STARD13: variants seen among roughly 807,000 people sequenced by gnomAD.
STARD13 encodes the protein stAR-related lipid transfer protein 13.
In STARD13, 62 loss-of-function variants were observed where a neutral mutation model predicts 106.4. That is an observed-to-expected ratio of 0.58 (90% CI 0.48 to 0.72). STARD13 has a LOEUF of 0.72. STARD13 is among the 30% of genes least tolerant of loss of function. STARD13 has a pLI of 0.00. For missense variants in STARD13, 1,387 were observed against 1,424.0 expected (o/e 0.97, Z 0.42); for synonymous variants, 565 against 553.0 (o/e 1.02, Z -0.31).
the STARD13 span, among the ~76,000 whole-genome samples, chr13:33,468,718 A>G: frequency 6.6e-6 from 1 of 152,126 alleles, no homozygotes; most frequent in African/African-American, 2.4e-5. Context: ...TGAGAAATAA[A>G]TTTCTATTCA....
intron 1 of STARD13, among the ~76,000 whole-genome samples, chr13:33,172,602 G>A (rs1036961328): frequency 3.3e-5 from 5 of 152,152 alleles, no homozygotes; most frequent in Admixed American, 6.5e-5. Flanking sequence ...TGTGTCTAGC[G>A]TGCTTCTAGC....
chr13:33,396,342 G>A, the STARD13 span, among the ~76,000 whole-genome samples: 1 of 152,162 alleles, frequency 6.6e-6, no homozygotes, highest in African/African-American at 2.4e-5. Flanking sequence ...AGAAGTAGAT[G>A]AGCACATGAA....
the STARD13 span, among the ~76,000 whole-genome samples, chr13:33,632,241 C>T: frequency 6.6e-6 from 1 of 152,144 alleles, no homozygotes; most frequent in African/African-American, 2.4e-5. Context: ...ATCACATTTC[C>T]TGAGCCATTC....
chr13:33,363,612 T>C, the STARD13 span, among the ~76,000 whole-genome samples: 2 of 152,216 alleles, frequency 1.3e-5, no homozygotes, highest in Non-Finnish European at 2.9e-5. Context: ...GAACTGGCAG[T>C]TCCTTAAATG....
the STARD13 span, among the ~76,000 whole-genome samples, chr13:33,553,777 A>G: frequency 6.6e-6 from 1 of 151,662 alleles, no homozygotes; most frequent in African/African-American, 2.4e-5. Context: ...ACGGGGTTTC[A>G]CCATGTTGGC....
chr13:33,634,919 C>T, the STARD13 span, among the ~76,000 whole-genome samples: 4 of 152,256 alleles, frequency 2.6e-5, no homozygotes, highest in South Asian at 8.3e-4. Flanking sequence ...CCAGAATGTC[C>T]CCTGCAGATG....
Position 33,110,035 on chromosome 13 carries a change from G to T in STARD13, c.2885C>A (p.Pro962His), listed in dbSNP as rs748514950. 1 of 1,614,226 alleles carries T rather than the reference G, an allele frequency of 6.2e-7. No individual in the cohort carries two copies. Among genetic ancestry groups the T allele is most frequent in the Middle Eastern group, 1.6e-4 (1 of 6,062 alleles). Residue 962 changes from proline to histidine, a missense_variant, in exon 12 of 14, where the codon CCC becomes CAC. Transcript: ENST00000336934. ...LWKASVEVEAPPSVVLNRVLR... is the reference protein window; with the variant it reads ...LWKASVEVEAHPSVVLNRVLR... ...CACGCGGTTCAGGACCACTGAGGGG[G>T]GTGCTTCCACCTCCACAGAAGCCTT...
the STARD13 span, among the ~76,000 whole-genome samples, chr13:33,540,266 T>C: frequency 6.6e-6 from 1 of 152,238 alleles, no homozygotes; most frequent in Admixed American, 6.5e-5. Context: ...CTAGTGACCT[T>C]AGGTGATTCC....
At chr13:33,219,366 G>A (rs1216224504) in intron 1 of STARD13, among the ~76,000 whole-genome samples, 2 of 151,646 alleles carry the variant, frequency 1.3e-5, no homozygotes, top group African/African-American at 4.9e-5. Context: ...CTCTCATCCT[G>A]CTCCCCCATG....
chr13:33,408,532 A>G, the STARD13 span, among the ~76,000 whole-genome samples: 2 of 152,000 alleles, frequency 1.3e-5, no homozygotes, highest in South Asian at 2.1e-4. Context: ...TATACACCAC[A>G]TTTTCCTTAT....
At chr13:33,333,347 C>A (rs1040437756) in intron 1 of STARD13, among the ~76,000 whole-genome samples, 1 of 152,138 alleles carries the variant, frequency 6.6e-6, no homozygotes, top group African/African-American at 2.4e-5. Context: ...AAGATCATGC[C>A]ACTGCACTCC....
chr13:33,489,203 A>T, the STARD13 span, among the ~76,000 whole-genome samples: 8 of 152,252 alleles, frequency 5.3e-5, no homozygotes, highest in Non-Finnish European at 1.2e-4. Flanking sequence ...TGATTAATCA[A>T]TTGATTAGAA....
chr13:33,338,965 G>A lies in STARD13; in HGVS notation c.124+11325C>T, dbSNP rs73480111. 2.1e-3 allele frequency among the ~76,000 whole-genome samples: 324 copies of A among 151,836 alleles called. 2 individuals carry two copies. The highest frequency in any genetic ancestry group is 7.3e-3 in the African/African-American group (304 of 41,378). ...AGAAGTGAAGGAAATGGGTGGTTTCGGGTGGGGGTTAAAGGATCTCCTTTA... is the reference window on the plus strand; with the variant it reads ...AGAAGTGAAGGAAATGGGTGGTTTCAGGTGGGGGTTAAAGGATCTCCTTTA... On this transcript the variant is annotated intron_variant, in intron 1 of 5. Transcript: ENST00000567873.
chr13:33,223,452 A>T (rs1395630896), intron 1 of STARD13, among the ~76,000 whole-genome samples: 2 of 152,118 alleles, frequency 1.3e-5, no homozygotes, highest in African/African-American at 4.8e-5. Flanking sequence ...TGATGTCAGG[A>T]GTTCGAGACC....
chr13:33,240,023 G>C (rs1003162624), intron 1 of STARD13, among the ~76,000 whole-genome samples: 12 of 152,050 alleles, frequency 7.9e-5, no homozygotes, highest in African/African-American at 2.2e-4. Context: ...ATAGTTTTCA[G>C]GTCTTACATT....
At chr13:33,125,330 T>C (rs539371256) in intron 7 of STARD13, among the ~76,000 whole-genome samples, 2 of 152,192 alleles carry the variant, frequency 1.3e-5, no homozygotes, top group Admixed American at 1.3e-4. Flanking sequence ...ATTTATCAAT[T>C]AAGAACACAA....
the STARD13 span, among the ~76,000 whole-genome samples, chr13:33,504,784 C>T: frequency 3.7e-4 from 56 of 152,166 alleles, no homozygotes; most frequent in Middle Eastern, 3.4e-3. Flanking sequence ...AAAAAGAATA[C>T]CACCTGCCTT....
the STARD13 span, among the ~76,000 whole-genome samples, chr13:33,408,521 G>A: frequency 4.7e-3 from 708 of 152,122 alleles, 7 homozygotes; most frequent in African/African-American, 0.017. Context: ...TCCATTGTTT[G>A]TATACACCAC....
At chr13:33,406,293 CTT>C in the STARD13 span, among the ~76,000 whole-genome samples, 9 of 152,170 alleles carry the variant, frequency 5.9e-5, no homozygotes, top group African/African-American at 2.2e-4. Context: ...AAAAAAACCT[CTT>C]GTTTTAGATA....
Sources: gnomAD v4.1 joint callset for allele counts (sites outside exome capture counted in the v4.1 genomes callset) on GRCh38, gnomAD v4.1.1 for gene constraint, MANE v1.5 for transcripts, NCBI Gene and HGNC (gene_info 2026-07-23, HGNC 2026-07-21) for gene names.